The following VIRMA variants were observed in gnomAD, a reference collection of about 807,000 sequenced individuals.
VIRMA encodes the protein vir like m6A methyltransferase associated, also known as protein virilizer homolog.
VIRMA carries 65 observed loss-of-function variants against 182.4 expected under a neutral mutation model. The ratio of observed to expected loss-of-function variants is 0.36; its 90% CI spans 0.29 to 0.44. The LOEUF is 0.44. VIRMA is among the 20% of genes least tolerant of loss of function. The pLI is 1.00. For synonymous variants in VIRMA, 709 were observed against 743.1 expected (o/e 0.95, Z 0.75); for missense variants, 1,752 against 2,158.1 (o/e 0.81, Z 3.73).
intron 5 of VIRMA, 114 bp from the exon 6 acceptor site, chr8:94,531,199 G>T: frequency 8.7e-7 from 1 of 1,153,400 alleles, no homozygotes; most frequent in South Asian, 2.1e-5. Flanking sequence ...AGCAAAGAGA[G>T]ATCTAAAATA....
chr8:94,519,154 T>C lies in VIRMA; in HGVS notation c.2344A>G (p.Thr782Ala). 1 of 1,614,158 alleles carries C rather than the reference T, an allele frequency of 6.2e-7. No individual in the cohort carries two copies. The highest frequency in any genetic ancestry group is 8.5e-7 in the Non-Finnish European group (1 of 1,180,012). The change falls in exon 9 of 24, where the codon ACA (threonine) becomes GCA (alanine). Residue 782 changes from threonine (T) to alanine (A), a missense_variant. By Grantham distance (58) the Thr-to-Ala change is moderately conservative (BLOSUM62 0). Around this residue, in one of 11 missense-constraint regions of VIRMA, gnomAD observed 45 missense variants for 91.0 expected, o/e 0.49. Transcript: ENST00000297591. Reference protein sequence around the residue: ...TELFSHFQRCTASEETDHSDL... With the variant: ...TELFSHFQRCAASEETDHSDL... ...GAATGGTCTGTTTCTTCACTGGCTG[T>C]ACAACGCTGAAAATGGCTGAACAGT...
At chr8:94,523,451 C>T (rs1470111825) in intron 8 of VIRMA, among the ~76,000 whole-genome samples, 2 of 152,156 alleles carry the variant, frequency 1.3e-5, no homozygotes, top group Non-Finnish European at 2.9e-5. Flanking sequence ...ACTCTGCTGC[C>T]CAGACTGGAG....
In VIRMA at chr8:94,534,963, C is replaced by CAA. The variant is rs1370697724; in HGVS notation, c.359_360insTT (p.Thr121Ter). 1 of 1,613,522 alleles carries CAA rather than the reference C, an allele frequency of 6.2e-7. No homozygotes were observed. Among genetic ancestry groups the CAA allele is most frequent in the African/African-American group, 1.3e-5 (1 of 74,878 alleles). On this transcript the variant is annotated frameshift_variant, in exon 5 of 24. Coordinates refer to ENST00000297591, the MANE Select transcript of VIRMA (RefSeq NM_015496.5). LOFTEE classifies it high-confidence loss of function. Reference sequence around the variant, plus strand: ...CCACTGATCCATATATTGCCAGTGTCAGACAGTTATACCAGCCTCTTAGCA... The same window carrying CAA: ...CCACTGATCCATATATTGCCAGTGTCAAAGACAGTTATACCAGCCTCTTAGCA...
intron 16 of VIRMA, among the ~76,000 whole-genome samples, chr8:94,505,437 T>C (rs1814120886): frequency 6.6e-6 from 1 of 152,108 alleles, no homozygotes; most frequent in Non-Finnish European, 1.5e-5. Context: ...GTAGAAATTA[T>C]ACTTGAGACA....
At chr8:94,528,036 C>A (rs1415663974) in intron 7 of VIRMA, among the ~76,000 whole-genome samples, 2 of 151,988 alleles carry the variant, frequency 1.3e-5, no homozygotes, top group African/African-American at 4.8e-5. Context: ...AGTCCGAGAC[C>A]AGCCTGGCCA....
At chr8:94,510,041 G>T in intron 14 of VIRMA, 101 bp from the exon 15 acceptor site, 1 of 1,076,656 alleles carries the variant, frequency 9.3e-7, no homozygotes, top group Non-Finnish European at 1.3e-6. Context: ...CACAAATTTT[G>T]CATAAAACAT....
chr8:94,535,570 G>T (rs1224621494), intron 4 of VIRMA, among the ~76,000 whole-genome samples: 1 of 152,116 alleles, frequency 6.6e-6, no homozygotes, highest in Non-Finnish European at 1.5e-5. Flanking sequence ...GGATCACAAG[G>T]TCAGGAGTTG....
At chr8:94,532,942 C>T (rs767528781) in intron 5 of VIRMA, among the ~76,000 whole-genome samples, 5 of 151,380 alleles carry the variant, frequency 3.3e-5, no homozygotes, top group East Asian at 3.9e-4. Context: ...GCCTGGGTGA[C>T]GTAACAAAAT....
chr8:94,539,948 C>T (rs543145870), intron 2 of VIRMA, among the ~76,000 whole-genome samples: 35 of 152,182 alleles, frequency 2.3e-4, no homozygotes, highest in Non-Finnish European at 3.7e-4. Context: ...GCTGCAAGAA[C>T]GTTCTTGCCA....
chr8:94,541,154 C>G (rs1408269562), intron 2 of VIRMA, among the ~76,000 whole-genome samples: 2 of 150,058 alleles, frequency 1.3e-5, no homozygotes, highest in African/African-American at 4.9e-5. Flanking sequence ...AACAGTCTTG[C>G]TTTGTTGCCC....
intron 17 of VIRMA, chr8:94,499,161 C>A (rs73274027): frequency 2.0e-5 from 7 of 343,952 alleles, no homozygotes; most frequent in East Asian, 4.6e-5. Flanking sequence ...ATTTAACTTA[C>A]GGCAAAGTAT....
intron 8 of VIRMA, among the ~76,000 whole-genome samples, chr8:94,523,591 T>C (rs1814848051): frequency 6.6e-6 from 1 of 152,070 alleles, no homozygotes; most frequent in African/African-American, 2.4e-5. Context: ...TTTTTGATTT[T>C]TTATTTTCTG....
chr8:94,529,179 T>C lies in VIRMA; in HGVS notation c.771A>G (p.Val257=), dbSNP rs1268886180. Reference sequence around the variant, plus strand: ...CCTCATCCTCATCCTCTTCTTCCTCTACATCCACATCATCTTCATCTTCTT... The same window carrying C: ...CCTCATCCTCATCCTCTTCTTCCTCCACATCCACATCATCTTCATCTTCTT... ...EGEEDEDDVD[V]EEEEDEDEDD... Residue 257 remains valine (V), a synonymous_variant, in exon 7 of 24, where the codon GTA becomes GTG. Transcript: ENST00000297591. 3 of 1,427,942 alleles carry C rather than the reference T, an allele frequency of 2.1e-6. No homozygotes were observed. Among genetic ancestry groups the C allele is most frequent in the Non-Finnish European group, 3.0e-6 (3 of 1,010,694 alleles). 88.5% of individuals were successfully genotyped at this position (1,427,942 alleles called of 1,614,324 possible). A position where few individuals can be genotyped will look rare whatever the true frequency, so the allele number is the denominator to read the frequency against.
intron 10 of VIRMA, among the ~76,000 whole-genome samples, chr8:94,516,855 A>C (rs1814577413): frequency 6.6e-6 from 1 of 152,210 alleles, no homozygotes; most frequent in Non-Finnish European, 1.5e-5. Flanking sequence ...GATTAAAAAG[A>C]AAAGAAGAGG....
In VIRMA at chr8:94,488,710, C is replaced by T. The variant is rs763629975; in HGVS notation, c.5435G>A (p.Arg1812Gln). ...GRGRHVRSFT[R>Q] is the part of the protein sequence containing the mutation. Reference sequence around the variant, plus strand: ...AAGATGTTCCCAAAAGGATTTTTATCGTGTAAAGGAGCGTACATGACGACC... The same window carrying T: ...AAGATGTTCCCAAAAGGATTTTTATTGTGTAAAGGAGCGTACATGACGACC... Residue 1812 changes from arginine (R) to glutamine (Q), a missense_variant, in exon 24 of 24, where the codon CGA becomes CAA. Transcript: ENST00000297591. 5 of 1,613,470 alleles carry T rather than the reference C, an allele frequency of 3.1e-6. No individual in the cohort carries two copies. The African/African-American group carries it at 4.0e-5, about 13-fold the overall frequency.
intron 2 of VIRMA, among the ~76,000 whole-genome samples, chr8:94,538,618 G>T (rs1051961283): frequency 1.9e-4 from 29 of 150,088 alleles, no homozygotes; most frequent in Middle Eastern, 3.4e-3. Flanking sequence ...ATTTTTTTTT[G>T]AGACGGTGTT....
chr8:94,491,519 T>G (rs1346718415), intron 22 of VIRMA, 59 bp downstream of exon 22: 1 of 1,434,410 alleles, frequency 7.0e-7, no homozygotes. Flanking sequence ...ATCACTTTCA[T>G]TCAATATTTT....
chr8:94,502,164 C>T (rs1177382365), intron 16 of VIRMA, among the ~76,000 whole-genome samples: 1 of 152,034 alleles, frequency 6.6e-6, no homozygotes, highest in African/African-American at 2.4e-5. Context: ...TTGGACAAGG[C>T]CTTTTATTAT....
At chr8:94,549,206 G>C (rs1160035497) in intron 1 of VIRMA, among the ~76,000 whole-genome samples, 4 of 152,190 alleles carry the variant, frequency 2.6e-5, no homozygotes, top group Non-Finnish European at 5.9e-5. Context: ...TGTTTATGTG[G>C]AGAAGAGGAA....
Sources: allele counts gnomAD v4.1 joint callset (sites outside exome capture counted in the v4.1 genomes callset), GRCh38; gene constraint gnomAD v4.1.1; regional missense constraint gnomAD v4.1.1; transcripts MANE v1.5; gene names NCBI Gene and HGNC (gene_info 2026-07-23, HGNC 2026-07-21).